Variants in RBFOX1 observed in about 807,000 individuals in gnomAD.
RBFOX1 encodes RNA binding protein fox-1 homolog 1.
Under a neutral mutation model 57.7 loss-of-function variants are expected in RBFOX1, and 8 were observed. The ratio of observed to expected loss-of-function variants is 0.14; its 90% CI spans 0.08 to 0.25. The LOEUF is 0.25. RBFOX1 is among the 10% of genes least tolerant of loss of function. RBFOX1 has a pLI of 1.00. For missense variants in RBFOX1, 611 were observed against 548.5 expected (o/e 1.11, Z -1.14); for synonymous variants, 326 against 222.4 (o/e 1.47, Z -4.15).
At chr16:6,422,977 G>T (rs1190237644) in intron 2 of RBFOX1, among the ~76,000 whole-genome samples, 1 of 152,190 alleles carries the variant, frequency 6.6e-6, no homozygotes, top group Non-Finnish European at 1.5e-5. Flanking sequence ...CCACATTGCT[G>T]CAAAGGAAAT....
At chr16:6,366,318 T>C (rs761511785) in intron 2 of RBFOX1, among the ~76,000 whole-genome samples, 1 of 152,196 alleles carries the variant, frequency 6.6e-6, no homozygotes, top group Non-Finnish European at 1.5e-5. Flanking sequence ...TTTTGGATAT[T>C]GAACTATAAA....
intron 1 of RBFOX1, among the ~76,000 whole-genome samples, chr16:6,040,795 T>C (rs2095428546): frequency 6.6e-6 from 1 of 151,994 alleles, no homozygotes; most frequent in Admixed American, 6.6e-5. Context: ...TGGGTTTCCT[T>C]ATGTGGCAGT....
At chr16:6,897,957 G>A (rs981270852) in intron 3 of RBFOX1, among the ~76,000 whole-genome samples, 4 of 152,094 alleles carry the variant, frequency 2.6e-5, no homozygotes, top group African/African-American at 9.7e-5. Flanking sequence ...TCGGATCCCT[G>A]TGTTATAGGT....
At chr16:7,297,659 C>T (rs113960788) in intron 4 of RBFOX1, among the ~76,000 whole-genome samples, 13 of 152,156 alleles carry the variant, frequency 8.5e-5, no homozygotes, top group South Asian at 2.1e-4. Context: ...TCTTTAGGAA[C>T]GTGTAGCCTG....
At chr16:6,635,930 AATG>A (rs2098427482) in intron 2 of RBFOX1, among the ~76,000 whole-genome samples, 1 of 152,144 alleles carries the variant, frequency 6.6e-6, no homozygotes, top group Non-Finnish European at 1.5e-5. Flanking sequence ...ACACATACAT[AATG>A]AGGTATCTTG....
intron 3 of RBFOX1, among the ~76,000 whole-genome samples, chr16:5,779,570 G>A (rs2054261111): frequency 6.6e-6 from 1 of 152,112 alleles, no homozygotes; most frequent in Non-Finnish European, 1.5e-5. Flanking sequence ...TACCTTTGTG[G>A]GTGCTTATTT....
At chr16:6,544,642 G>A (rs1268620672) in intron 2 of RBFOX1, among the ~76,000 whole-genome samples, 2 of 152,278 alleles carry the variant, frequency 1.3e-5, no homozygotes, top group South Asian at 2.1e-4. Flanking sequence ...TGGATTTGAG[G>A]ATCATAACTT....
At chr16:6,846,261 A>G (rs1049206364) in intron 3 of RBFOX1, among the ~76,000 whole-genome samples, 32 of 152,162 alleles carry the variant, frequency 2.1e-4, no homozygotes, top group African/African-American at 7.7e-4. Flanking sequence ...CTATTACGTG[A>G]ATTGGCCCGA....
chr16:5,247,681 T>G (rs555300371), intron 1 of RBFOX1, among the ~76,000 whole-genome samples: 1 of 152,286 alleles, frequency 6.6e-6, no homozygotes, highest in South Asian at 2.1e-4. Flanking sequence ...CATTGGAGAG[T>G]TGAATAGTTG....
chr16:6,839,763 A>T (rs925770541), intron 3 of RBFOX1, among the ~76,000 whole-genome samples: 1 of 152,198 alleles, frequency 6.6e-6, no homozygotes, highest in East Asian at 1.9e-4. Flanking sequence ...AAGCAGTTGA[A>T]ACATTTGGAT....
chr16:7,276,274 C>G (rs532656588), intron 4 of RBFOX1, among the ~76,000 whole-genome samples: 8 of 152,120 alleles, frequency 5.3e-5, no homozygotes, highest in Admixed American at 2.6e-4. Flanking sequence ...AATTTCCCCA[C>G]GCCCCATAAT....
chr16:6,502,514 C>T (rs926222395), intron 2 of RBFOX1, among the ~76,000 whole-genome samples: 12 of 152,176 alleles, frequency 7.9e-5, no homozygotes, highest in South Asian at 2.1e-4. Flanking sequence ...AAGGATTGTA[C>T]GACATTCTGC....
At chr16:6,579,925 G>C (rs920086929) in intron 2 of RBFOX1, among the ~76,000 whole-genome samples, 6 of 151,916 alleles carry the variant, frequency 3.9e-5, no homozygotes, top group African/African-American at 9.7e-5. Flanking sequence ...TCTATGTATA[G>C]GTTCATGGAC....
intron 2 of RBFOX1, among the ~76,000 whole-genome samples, chr16:6,506,712 A>G (rs1042687489): frequency 7.7e-6 from 1 of 129,940 alleles, no homozygotes; most frequent in African/African-American, 3.1e-5. Flanking sequence ...CAGTGGCTTC[A>G]TCTTGGCTTA....
intron 3 of RBFOX1, among the ~76,000 whole-genome samples, chr16:6,855,093 A>T (rs78339106): frequency 0.085 from 12,912 of 152,004 alleles, 604 homozygotes; most frequent in Middle Eastern, 0.11. Context: ...AACAGAAGAG[A>T]AGGATGCTAT....
intron 4 of RBFOX1, among the ~76,000 whole-genome samples, chr16:7,426,610 T>C (rs1387235095): frequency 1.3e-5 from 2 of 152,124 alleles, no homozygotes; most frequent in Non-Finnish European, 1.5e-5. Context: ...CCCAATAAAA[T>C]TAGGCGCACG....
intron 4 of RBFOX1, among the ~76,000 whole-genome samples, chr16:7,489,347 T>A (rs2066297485): frequency 6.6e-6 from 1 of 152,218 alleles, no homozygotes; most frequent in Non-Finnish European, 1.5e-5. Flanking sequence ...TCATAATTGT[T>A]CTTAAAATAG....
At chr16:7,130,431 C>T (rs551913907) in intron 4 of RBFOX1, among the ~76,000 whole-genome samples, 3 of 152,182 alleles carry the variant, frequency 2.0e-5, no homozygotes, top group Admixed American at 1.3e-4. Context: ...TTACACTTAA[C>T]ACTTTTGTGA....
chr16:6,779,997 TTATATATATTTA>T (rs2080330920), intron 3 of RBFOX1, among the ~76,000 whole-genome samples: 1 of 5,586 alleles, frequency 1.8e-4, no homozygotes, highest in African/African-American at 9.8e-4. Context: ...ATTTATATAT[TTATATATATTTA>T]TATATATTTA....
Sources: allele counts gnomAD v4.1 joint callset (sites outside exome capture counted in the v4.1 genomes callset), GRCh38; gene constraint gnomAD v4.1.1; transcripts MANE v1.5; gene names NCBI Gene and HGNC (gene_info 2026-07-23, HGNC 2026-07-21).